Variants in RORA observed in about 807,000 individuals in gnomAD.
RORA encodes RAR related orphan receptor A, also known as nuclear receptor ROR-alpha.
A neutral mutation model predicts 69.5 loss-of-function variants in RORA; 7 were observed. That is an observed-to-expected ratio of 0.10 (90% confidence interval 0.06 to 0.19). The LOEUF (loss-of-function observed/expected upper bound fraction) is 0.19, where lower values mean the gene tolerates loss of function less well. Among genes scored for constraint, RORA ranks in the 10% least tolerant of loss-of-function variants. The pLI, the probability that RORA is intolerant of heterozygous loss-of-function variation, is 1.00. For missense variants in RORA, 457 were observed against 663.0 expected, an observed-to-expected ratio of 0.69 and a Z score of 3.41; for synonymous variants, 261 against 240.8, an observed-to-expected ratio of 1.08 and a Z score of -0.78.
At chr15:61,183,480 A>G (rs994910898) in intron 1 of RORA, among the ~76,000 whole-genome samples, 1 of 149,834 alleles carries the variant, frequency 6.7e-6, no homozygotes, top group African/African-American at 2.5e-5. Context: ...AGTTGCAGTG[A>G]GCCTGGATCA....
intron 2 of RORA, among the ~76,000 whole-genome samples, chr15:60,548,700 C>T (rs905980644): frequency 1.1e-4 from 17 of 152,248 alleles, no homozygotes; most frequent in East Asian, 9.7e-4. Flanking sequence ...TGCAGTGGCG[C>T]GATCTCGGCT....
At chr15:60,898,542 A>AATAC (rs1891296743) in intron 1 of RORA, among the ~76,000 whole-genome samples, 2 of 141,678 alleles carry the variant, frequency 1.4e-5, no homozygotes, top group South Asian at 4.5e-4. Context: ...TAAATAAATA[A>AATAC]ATTTAAATTA....
At chr15:61,164,912 T>C (rs2079527897) in intron 1 of RORA, among the ~76,000 whole-genome samples, 1 of 152,174 alleles carries the variant, frequency 6.6e-6, no homozygotes, top group Non-Finnish European at 1.5e-5. Flanking sequence ...TACTAAAGAA[T>C]ATCATGCTGT....
At chr15:61,028,477 G>A (rs1895949496) in intron 1 of RORA, among the ~76,000 whole-genome samples, 1 of 152,168 alleles carries the variant, frequency 6.6e-6, no homozygotes, top group Admixed American at 6.5e-5. Flanking sequence ...CCCTTTGTTA[G>A]GTGTTAGAAT....
At chr15:60,634,088 T>C (rs1197381911) in intron 2 of RORA, among the ~76,000 whole-genome samples, 1 of 152,072 alleles carries the variant, frequency 6.6e-6, no homozygotes, top group Non-Finnish European at 1.5e-5. Flanking sequence ...TTTAGAAATA[T>C]GAAGAATACC....
intron 1 of RORA, among the ~76,000 whole-genome samples, chr15:60,993,042 C>T (rs935264820): frequency 8.5e-5 from 13 of 152,284 alleles, no homozygotes; most frequent in African/African-American, 3.1e-4. Flanking sequence ...TTCTGCCATA[C>T]TTACTTGTCC....
rs549702435 is a variant in RORA, at chr15:60,847,755, T to C, written c.167-169069A>G. On this transcript the variant is annotated intron_variant, in intron 1 of 10. Transcript: ENST00000335670. ...TTGAAATGATAATACTTTGGATAGA[T>C]TGGGTAAAGATAAAATGTTTTATTA... 2.6e-5 allele frequency: 4 copies of C among 152,322 alleles called. No individual in the cohort carries two copies. In the South Asian group the frequency reaches 8.3e-4, roughly 32 times the overall value. The allele number at this position is 152,322 out of a possible 1,614,324, so 9.4% of individuals were successfully genotyped here. A position where few individuals can be genotyped will look rare whatever the true frequency, so the allele number is the denominator to read the frequency against.
chr15:60,841,254 C>G (rs1012572498), intron 1 of RORA, among the ~76,000 whole-genome samples: 1 of 152,200 alleles, frequency 6.6e-6, no homozygotes, highest in African/African-American at 2.4e-5. Context: ...CTACAAGGTG[C>G]CCTCCCTGAC....
intron 1 of RORA, among the ~76,000 whole-genome samples, chr15:60,827,117 C>A (rs1250609875): frequency 6.6e-6 from 1 of 152,200 alleles, no homozygotes; most frequent in Non-Finnish European, 1.5e-5. Flanking sequence ...GTGCCCCAAG[C>A]CCCTCTTCCC....
chr15:61,206,135 A>C (rs2079938901), intron 1 of RORA, among the ~76,000 whole-genome samples: 1 of 150,356 alleles, frequency 6.7e-6, no homozygotes, highest in Non-Finnish European at 1.5e-5. Flanking sequence ...ACCGAACTCT[A>C]GGATAACATT....
At chr15:60,884,652 G>A (rs2073731536) in intron 1 of RORA, among the ~76,000 whole-genome samples, 1 of 152,086 alleles carries the variant, frequency 6.6e-6, no homozygotes, top group African/African-American at 2.4e-5. Context: ...ACTGTCATGG[G>A]GTAGAGTTAG....
Position 60,548,827 on chromosome 15 carries a change from C to T in RORA, c.197-16976G>A, listed in dbSNP as rs529288565. 6.6e-5 allele frequency among the ~76,000 whole-genome samples: 10 copies of T among 152,164 alleles called. 1 individual carries two copies. Among genetic ancestry groups the T allele is most frequent in the Admixed American group, 5.9e-4 (9 of 15,298 alleles). The stretch of plus-strand genomic sequence containing the variant: ...TAATTTTTTGTATTTTTAGTAGAGA[C>T]AGGGTTTCACCGTGGTCTCGATCTC... On this transcript the variant is annotated intron_variant, in intron 2 of 10. Coordinates refer to ENST00000335670, the MANE Select transcript of RORA (RefSeq NM_134261.3).
intron 1 of RORA, among the ~76,000 whole-genome samples, chr15:60,902,603 T>C (rs1186774454): frequency 6.6e-6 from 1 of 152,220 alleles, no homozygotes; most frequent in Non-Finnish European, 1.5e-5. Context: ...AGCTGAAAGA[T>C]GATTTGGATC....
intron 1 of RORA, among the ~76,000 whole-genome samples, chr15:61,123,645 T>C (rs1464444305): frequency 1.3e-5 from 2 of 152,184 alleles, no homozygotes; most frequent in Non-Finnish European, 2.9e-5. Flanking sequence ...GAGATTCTAA[T>C]ATAATTGGTC....
intron 1 of RORA, among the ~76,000 whole-genome samples, chr15:60,766,951 T>C (rs1424295166): frequency 6.6e-6 from 1 of 152,088 alleles, no homozygotes; most frequent in African/African-American, 2.4e-5. Flanking sequence ...GAGCCTGTAA[T>C]GTAGTGGGAG....
chr15:60,550,996 T>C (rs1379391079), intron 2 of RORA, among the ~76,000 whole-genome samples: 1 of 152,168 alleles, frequency 6.6e-6, no homozygotes, highest in Non-Finnish European at 1.5e-5. Context: ...CCAATACCTT[T>C]AGAAGAAAAC....
intron 1 of RORA, among the ~76,000 whole-genome samples, chr15:60,685,681 G>GACTT (rs1343323132): frequency 6.6e-6 from 1 of 152,120 alleles, no homozygotes; most frequent in Non-Finnish European, 1.5e-5. Flanking sequence ...GTAATCTTTG[G>GACTT]ACTTTGTTTC....
chr15:60,684,914 T>C (rs2070717513), intron 1 of RORA, among the ~76,000 whole-genome samples: 1 of 48,788 alleles, frequency 2.0e-5, no homozygotes, highest in Admixed American at 2.7e-4. Context: ...CTATGAGCGC[T>C]TGGGCAAATA....
chr15:61,158,182 A>C (rs1213210817), intron 1 of RORA, among the ~76,000 whole-genome samples: 3 of 152,184 alleles, frequency 2.0e-5, no homozygotes, highest in Non-Finnish European at 2.9e-5. Flanking sequence ...GAGCAATTCC[A>C]TCCTGACAGA....
Sources: allele counts gnomAD v4.1 joint callset (sites outside exome capture counted in the v4.1 genomes callset), GRCh38; gene constraint gnomAD v4.1.1; transcripts MANE v1.5; gene names NCBI Gene and HGNC (gene_info 2026-07-23, HGNC 2026-07-21).